The following FAM234B variants were observed in gnomAD, a reference collection of about 807,000 sequenced individuals.
FAM234B encodes protein FAM234B.
In FAM234B, 33 loss-of-function variants were observed where a neutral mutation model predicts 69.3. The ratio of observed to expected loss-of-function variants is 0.48; its 90% CI spans 0.36 to 0.64. FAM234B has a LOEUF of 0.64. Ranked by LOEUF, FAM234B falls within the 30% of genes least tolerant of loss-of-function variation. The pLI is 0.00. For missense variants in FAM234B, 697 were observed against 769.7 expected, an observed-to-expected ratio of 0.91 and a Z score of 1.12; for synonymous variants, 306 against 306.9, an observed-to-expected ratio of 1.00 and a Z score of 0.03.
intron 11 of FAM234B, among the ~76,000 whole-genome samples, chr12:13,076,977 G>T (rs1431561518): frequency 6.6e-6 from 1 of 152,154 alleles, no homozygotes; most frequent in African/African-American, 2.4e-5. Flanking sequence ...TATGGACTTG[G>T]CTGTCTACTT....
chr12:13,070,575 AG>A (rs1368370327), intron 9 of FAM234B, among the ~76,000 whole-genome samples: 1 of 152,146 alleles, frequency 6.6e-6, no homozygotes, highest in Non-Finnish European at 1.5e-5. Context: ...CAGATCTGTG[AG>A]GCATTTAGGA....
In FAM234B at chr12:13,079,420, G is replaced by T. The variant is rs560994939; in HGVS notation, c.1643-369G>T. Among the ~76,000 whole-genome samples the T allele has an allele frequency of 3.3e-5, 5 of 152,320 alleles. No homozygotes were observed. The South Asian group carries it at 8.3e-4, about 25-fold the overall frequency. Reference sequence around the variant, plus strand: ...ATAAGGCAAAATAAACACTGGCAAGGTAAATCGCCTCTGTGACTGCGCACT... The same window carrying T: ...ATAAGGCAAAATAAACACTGGCAAGTTAAATCGCCTCTGTGACTGCGCACT... On this transcript the variant is annotated intron_variant, in intron 11 of 12. Coordinates refer to ENST00000197268, the MANE Select transcript of FAM234B (RefSeq NM_020853.2).
chr12:13,051,373 T>C (rs1864874756), intron 1 of FAM234B, among the ~76,000 whole-genome samples: 1 of 152,248 alleles, frequency 6.6e-6, no homozygotes, highest in South Asian at 2.1e-4. Flanking sequence ...GATATGTTTG[T>C]TGCAAGGTGG....
At chr12:13,045,239 C>G (rs1218036560) in intron 1 of FAM234B, among the ~76,000 whole-genome samples, 28 of 148,464 alleles carry the variant, frequency 1.9e-4, no homozygotes, top group Non-Finnish European at 3.3e-4. Flanking sequence ...TTTTTTTCCT[C>G]CTAAACCTCC....
intron 1 of FAM234B, among the ~76,000 whole-genome samples, chr12:13,054,550 C>T (rs147462988): frequency 2.1e-4 from 32 of 152,182 alleles, no homozygotes; most frequent in Non-Finnish European, 4.3e-4. Context: ...TTCTTTTCCC[C>T]TTTTTAATTA....
In FAM234B at chr12:13,072,655, G is replaced by A. The variant is rs536923416; in HGVS notation, c.1524+1259G>A. Among the ~76,000 whole-genome samples the A allele has an allele frequency of 2.9e-3, 440 of 151,542 alleles. 1 individual carries two copies. Among genetic ancestry groups the A allele is most frequent in the Middle Eastern group, 0.014 (4 of 294 alleles). ...TGAGGCAGGAGAATCGCTTGAACCC[G>A]GGAGGCAGAGGTTGCAGTGAGCCGA... On this transcript the variant is annotated intron_variant, in intron 10 of 12. Coordinates refer to ENST00000197268, the MANE Select transcript of FAM234B (RefSeq NM_020853.2).
intron 1 of FAM234B, among the ~76,000 whole-genome samples, chr12:13,050,213 G>T (rs1246582373): frequency 6.6e-6 from 1 of 152,178 alleles, no homozygotes; most frequent in Non-Finnish European, 1.5e-5. Flanking sequence ...TATCAAGTTT[G>T]TCCTGCCTTG....
At chr12:13,055,968 C>G (rs1221972438) in intron 2 of FAM234B, 22 bp downstream of exon 2, 2 of 1,515,304 alleles carry the variant, frequency 1.3e-6, no homozygotes, top group South Asian at 1.3e-5. Context: ...AATCTTCAGC[C>G]CTAATCCTGT....
At chr12:13,073,885 G>A (rs558847863) in intron 10 of FAM234B, among the ~76,000 whole-genome samples, 152 of 152,252 alleles carry the variant, frequency 1.0e-3, no homozygotes, top group African/African-American at 3.4e-3. Flanking sequence ...TTTAATCTCC[G>A]ACATCATTTT....
intron 2 of FAM234B, 59 bp from the exon 3 acceptor site, chr12:13,058,392 A>C: frequency 1.4e-6 from 2 of 1,389,544 alleles, no homozygotes; most frequent in Non-Finnish European, 2.0e-6. Flanking sequence ...TACTGGCAAC[A>C]GAGAACTGGT....
chr12:13,054,412 C>T (rs893531486), intron 1 of FAM234B, among the ~76,000 whole-genome samples: 2 of 152,206 alleles, frequency 1.3e-5, no homozygotes, highest in Non-Finnish European at 2.9e-5. Flanking sequence ...TGCCTTCCCG[C>T]AACAATCTGG....
At chr12:13,062,824 A>G (rs1224142014) in intron 4 of FAM234B, 21 bp from the exon 5 acceptor site, 1 of 1,611,606 alleles carries the variant, frequency 6.2e-7, no homozygotes, top group Admixed American at 1.7e-5. Flanking sequence ...CATAGTGACC[A>G]GCCTATGTGT....
chr12:13,052,778 T>C (rs1273309573), intron 1 of FAM234B, among the ~76,000 whole-genome samples: 2 of 152,334 alleles, frequency 1.3e-5, no homozygotes, highest in East Asian at 3.8e-4. Context: ...GTTCCTTCCT[T>C]TTTAGAGCTG....
At chr12:13,053,435 G>C (rs1401969486) in intron 1 of FAM234B, among the ~76,000 whole-genome samples, 1 of 152,130 alleles carries the variant, frequency 6.6e-6, no homozygotes, top group Non-Finnish European at 1.5e-5. Context: ...TGGCCGGTCT[G>C]AGAAATAAAG....
Position 13,058,552 on chromosome 12 carries a change from A to T in FAM234B, c.532+3A>T. Reference sequence around the variant, plus strand: ...GTCAAGGAACGGGAGTGCAGTAGGTAAGAGACGTGTTTTTTTCAAGGCTGC... The same window carrying T: ...GTCAAGGAACGGGAGTGCAGTAGGTTAGAGACGTGTTTTTTTCAAGGCTGC... On this transcript the variant is annotated splice_donor_region_variant and intron_variant, in intron 3 of 12. Coordinates refer to ENST00000197268, the MANE Select transcript of FAM234B (RefSeq NM_020853.2). The T allele has an allele frequency of 6.2e-7, 1 of 1,603,582 alleles. No homozygotes were observed. The highest frequency in any genetic ancestry group is 2.3e-5 in the East Asian group (1 of 43,636).
Position 13,082,837 on chromosome 12 carries a change from G to C in FAM234B, c.*2207G>C, listed in dbSNP as rs1208961187. ...TTGGGCAGAGGACTGTGTTTATGCA[G>C]GGCAAATCCCAGAAAGATAAGAGGA... On this transcript the variant is annotated 3_prime_UTR_variant, in exon 13 of 13. Transcript: ENST00000197268. 6.6e-6 allele frequency: 1 copy of C among 152,126 alleles called. No homozygotes were observed. Among genetic ancestry groups the C allele is most frequent in the Non-Finnish European group, 1.5e-5 (1 of 68,022 alleles). 9.4% of individuals were successfully genotyped at this position (152,126 alleles called of 1,614,324 possible).
At position 13,044,433 on chromosome 12, in the gene FAM234B, G is replaced by A. The variant is rs377279477; in HGVS notation, c.30G>A (p.Lys10=). The change falls in exon 1 of 13, where the codon AAG becomes AAA. Residue 10 remains lysine, a synonymous_variant. Transcript: ENST00000197268. This position sits in a 1 kb window ranked among gnomAD's most constrained non-coding sequence, Gnocchi z 5.6. ...CGACCGTGCTGTCCAGGGCGCTCAA[G>A]CTGCCGGGTAAGGAGTCGCATGCTT... The part of the protein sequence containing the change: MATVLSRAL[K]LPGKKSPDLG... 3.3e-5 allele frequency: 51 copies of A among 1,551,622 alleles called. 1 individual carries two copies. The African/African-American group carries it at 6.7e-4, about 20-fold the overall frequency.
chr12:13,051,578 A>C (rs1300151777), intron 1 of FAM234B, among the ~76,000 whole-genome samples: 2 of 152,230 alleles, frequency 1.3e-5, no homozygotes, highest in African/African-American at 4.8e-5. Context: ...GTTGTTTGCT[A>C]TCTGGAGTAG....
chr12:13,058,384 C>A, intron 2 of FAM234B, 67 bp from the exon 3 acceptor site: 1 of 1,271,808 alleles, frequency 7.9e-7, no homozygotes, highest in Non-Finnish European at 1.2e-6. Flanking sequence ...TATAGAGCTA[C>A]TGGCAACAGA....
Sources: gnomAD v4.1 joint callset for allele counts (sites outside exome capture counted in the v4.1 genomes callset) on GRCh38, gnomAD v4.1.1 for gene constraint, Gnocchi (gnomAD v3.1) non-coding constraint, MANE v1.5 for transcripts, NCBI Gene and HGNC (gene_info 2026-07-23, HGNC 2026-07-21) for gene names.